FLRT2: variants seen among roughly 807,000 people sequenced by gnomAD.
The protein encoded by FLRT2 is fibronectin leucine rich transmembrane protein 2.
In FLRT2, 15 loss-of-function variants were observed where a neutral mutation model predicts 40.0. The ratio of observed to expected loss-of-function variants is 0.38; its 90% CI spans 0.25 to 0.58. The LOEUF (loss-of-function observed/expected upper bound fraction) is 0.58. FLRT2 is among the 20% of genes least tolerant of loss of function. FLRT2 has a pLI of 0.71. For synonymous variants in FLRT2, 380 were observed against 336.8 expected, an observed-to-expected ratio of 1.13 and a Z score of -1.41; for missense variants, 726 against 840.0, an observed-to-expected ratio of 0.86 and a Z score of 1.68.
intron 1 of FLRT2, among the ~76,000 whole-genome samples, chr14:85,602,565 G>C (rs538175202): frequency 6.6e-6 from 1 of 152,212 alleles, no homozygotes; most frequent in Non-Finnish European, 1.5e-5. Context: ...TAGCTGAATG[G>C]AGTTCTATGC....
chr14:85,544,609 T>C (rs1402633129), intron 1 of FLRT2, among the ~76,000 whole-genome samples: 1 of 152,138 alleles, frequency 6.6e-6, no homozygotes, highest in Non-Finnish European at 1.5e-5. Context: ...ACGCCTTAAT[T>C]TGGCTCCACA....
chr14:85,571,953 A>C (rs1890909146), intron 1 of FLRT2, among the ~76,000 whole-genome samples: 1 of 152,108 alleles, frequency 6.6e-6, no homozygotes, highest in Non-Finnish European at 1.5e-5. Flanking sequence ...TGCAACCCCA[A>C]ATATTTTGGG....
intron 1 of FLRT2, among the ~76,000 whole-genome samples, chr14:85,574,157 A>G (rs1451610268): frequency 2.0e-5 from 3 of 152,144 alleles, no homozygotes; most frequent in Non-Finnish European, 2.9e-5. Context: ...GTTCATTCAG[A>G]ATTTCCCCAT....
intron 1 of FLRT2, among the ~76,000 whole-genome samples, chr14:85,604,269 C>T (rs1566751105): frequency 6.6e-6 from 1 of 152,146 alleles, no homozygotes; most frequent in African/African-American, 2.4e-5. Flanking sequence ...CTTAGCGGAA[C>T]ATTCAGGAGT....
intron 1 of FLRT2, among the ~76,000 whole-genome samples, chr14:85,595,921 G>T (rs540412301): frequency 6.6e-6 from 1 of 152,316 alleles, no homozygotes; most frequent in South Asian, 2.1e-4. Context: ...CGGGCAAGAA[G>T]TGATCGTGTT....
At chr14:85,604,670 G>A (rs1386041385) in intron 1 of FLRT2, among the ~76,000 whole-genome samples, 1 of 150,842 alleles carries the variant, frequency 6.6e-6, no homozygotes, top group African/African-American at 2.4e-5. Context: ...ATTTTTTTTT[G>A]TTGTTGTTCT....
rs35764416 is a variant in FLRT2 at position 85,636,390 on chromosome 14, G to GAAAAAAAAAAAAAAAAAA, written c.*12894_*12911dup. 3 of 75,316 alleles carry GAAAAAAAAAAAAAAAAAA rather than the reference G, an allele frequency of 4.0e-5. No individual in the cohort carries two copies. Among genetic ancestry groups the GAAAAAAAAAAAAAAAAAA allele is most frequent in the East Asian group, 4.2e-4 (1 of 2,398 alleles). 4.7% of individuals were successfully genotyped at this position (75,316 alleles called of 1,614,324 possible). On this transcript the variant is annotated 3_prime_UTR_variant, in exon 2 of 2. Transcript: ENST00000330753. ...AAAATCAAAGGTGAAGTCACCTGCA[G>GAAAAAAAAAAAAAAAAAA]AAAAAAAAAAAAAAAAAACAAAAAA...
At position 85,582,846 on chromosome 14, in the gene FLRT2, T is replaced by C. The variant is rs192195300; in HGVS notation, c.-376-38293T>C. 6.0e-3 allele frequency among the ~76,000 whole-genome samples: 905 copies of C among 151,990 alleles called. 9 individuals are homozygous for C. The highest frequency in any genetic ancestry group is 0.02 in the African/African-American group (850 of 41,474). On this transcript the variant is annotated intron_variant, in intron 1 of 1. Coordinates refer to ENST00000330753, the MANE Select transcript of FLRT2 (RefSeq NM_013231.6). ...TAGCGGCTAGCAGAAAGGACCTCAT[T>C]TTATAAGATTCTGTGTAGGTTGGAG...
At chr14:85,613,242 A>T (rs563885571) in intron 1 of FLRT2, among the ~76,000 whole-genome samples, 1 of 152,284 alleles carries the variant, frequency 6.6e-6, no homozygotes, top group East Asian at 1.9e-4. Flanking sequence ...CATAGAACTG[A>T]ACTGTTAGGT....
At chr14:85,572,119 A>G (rs1165246783) in intron 1 of FLRT2, among the ~76,000 whole-genome samples, 1 of 152,140 alleles carries the variant, frequency 6.6e-6, no homozygotes, top group Non-Finnish European at 1.5e-5. Flanking sequence ...TGTACTTTAT[A>G]TCTTGAAGTT....
chr14:85,582,205 A>G (rs1566738952), intron 1 of FLRT2, among the ~76,000 whole-genome samples: 2 of 152,320 alleles, frequency 1.3e-5, no homozygotes, highest in Non-Finnish European at 1.5e-5. Flanking sequence ...GAGTAGCCAT[A>G]TGAGCATTAT....
chr14:85,549,127 T>A (rs1889454299), intron 1 of FLRT2, among the ~76,000 whole-genome samples: 1 of 152,058 alleles, frequency 6.6e-6, no homozygotes, highest in Admixed American at 6.6e-5. Context: ...ATCCTCTGGG[T>A]TTACCATCTT....
chr14:85,557,599 T>G (rs1890049442), intron 1 of FLRT2, among the ~76,000 whole-genome samples: 1 of 151,504 alleles, frequency 6.6e-6, no homozygotes, highest in African/African-American at 2.4e-5. Flanking sequence ...TCACCAGAGG[T>G]CAGGAGTTCG....
rs1236891410 is a variant in FLRT2, at chr14:85,651,710, A to T, written c.*28213A>T. 2 of 151,678 alleles carry T rather than the reference A, an allele frequency of 1.3e-5. No homozygotes were observed. Among genetic ancestry groups the T allele is most frequent in the African/African-American group, 4.8e-5 (2 of 41,282 alleles). 9.4% of individuals were successfully genotyped at this position (151,678 alleles called of 1,614,324 possible). A position where few individuals can be genotyped will look rare whatever the true frequency, so the allele number is the denominator to read the frequency against. On this transcript the variant is annotated 3_prime_UTR_variant, in exon 2 of 2. Coordinates refer to ENST00000330753, the MANE Select transcript of FLRT2 (RefSeq NM_013231.6). ...TTTTCGTTACTTTTTTCTTATTTTTATCCTTTCTATGTCTTTATGATTAAA... is the reference window on the plus strand; with the variant it reads ...TTTTCGTTACTTTTTTCTTATTTTTTTCCTTTCTATGTCTTTATGATTAAA...
intron 1 of FLRT2, among the ~76,000 whole-genome samples, chr14:85,546,155 G>T (rs1889267953): frequency 6.6e-6 from 1 of 152,088 alleles, no homozygotes; most frequent in African/African-American, 2.4e-5. Context: ...CTCGCTTTTT[G>T]CACTTTCTGT....
intron 1 of FLRT2, among the ~76,000 whole-genome samples, chr14:85,605,889 G>A (rs897920208): frequency 6.6e-6 from 1 of 152,148 alleles, no homozygotes. Context: ...AGCACCGATT[G>A]AATTCATATT....
intron 1 of FLRT2, among the ~76,000 whole-genome samples, chr14:85,608,449 G>C (rs945912620): frequency 6.6e-6 from 1 of 151,984 alleles, no homozygotes; most frequent in Non-Finnish European, 1.5e-5. Flanking sequence ...GACCAGGCTG[G>C]TCTTGAACTC....
intron 1 of FLRT2, among the ~76,000 whole-genome samples, chr14:85,574,739 G>GTGGA (rs1348246128): frequency 6.6e-6 from 1 of 152,092 alleles, no homozygotes; most frequent in Non-Finnish European, 1.5e-5. Flanking sequence ...TCTTTCTCAT[G>GTGGA]TGGATACTGC....
At position 85,533,574 on chromosome 14, in the gene FLRT2, ACTT is replaced by A. The variant is rs577083991; in HGVS notation, c.-377+3044_-377+3046del. Among the ~76,000 whole-genome samples the A allele has an allele frequency of 2.0e-5, 3 of 152,106 alleles. No homozygotes were observed. The East Asian group carries it at 5.9e-4, about 30-fold the overall frequency. ...TTCTGCCGCCTTCCCCGCTCGCTGT[ACTT>A]CTTTTGGGGTTCGTTGGCTTGGCGA... On this transcript the variant is annotated intron_variant, in intron 1 of 1. Transcript: ENST00000330753.
Sources: gnomAD v4.1 joint callset for allele counts (sites outside exome capture counted in the v4.1 genomes callset) on GRCh38, gnomAD v4.1.1 for gene constraint, MANE v1.5 for transcripts, NCBI Gene and HGNC (gene_info 2026-07-23, HGNC 2026-07-21) for gene names.